NEBL: variants seen among roughly 807,000 people sequenced by gnomAD.
The protein encoded by NEBL is LIM and SH3 protein 2.
Under a neutral mutation model 140.2 loss-of-function variants are expected in NEBL, and 122 were observed. The observed-to-expected ratio is 0.87, with a 90% confidence interval of 0.75 to 1.01. NEBL has a LOEUF of 1.01. Among genes scored for constraint, NEBL ranks in the 50% least tolerant of loss-of-function variants. The pLI, the probability that NEBL is intolerant of heterozygous loss-of-function variation, is 0.00. For missense variants in NEBL, 1,365 were observed against 1,231.3 expected, an observed-to-expected ratio of 1.11 and a Z score of -1.62; for synonymous variants, 436 against 398.9, an observed-to-expected ratio of 1.09 and a Z score of -1.11.
chr10:20,831,434 G>T lies in NEBL; in HGVS notation c.1560+39C>A, dbSNP rs375700855. 4 of 1,544,374 alleles carry T rather than the reference G, an allele frequency of 2.6e-6. No individual in the cohort carries two copies. In the African/African-American group the frequency reaches 5.5e-5, roughly 21 times the overall value. On this transcript the variant is annotated intron_variant, in intron 15 of 27. Coordinates refer to ENST00000377122, the MANE Select transcript of NEBL (RefSeq NM_006393.3). ...TATGCTCTTTCCAGCTATGATTCAC[G>T]GCATTTATTTTAAACTTTGTATCTT...
intron 3 of NEBL, among the ~76,000 whole-genome samples, chr10:20,991,682 G>A (rs1224828404): frequency 6.6e-6 from 1 of 151,874 alleles, no homozygotes; most frequent in Non-Finnish European, 1.5e-5. Context: ...TCATGATGCA[G>A]AGGTTTGGGC....
intron 2 of NEBL, among the ~76,000 whole-genome samples, chr10:21,053,708 C>A (rs1019801729): frequency 1.3e-5 from 2 of 151,994 alleles, no homozygotes; most frequent in Non-Finnish European, 2.9e-5. Context: ...CATGAAGGGT[C>A]GCGTGTGAGT....
At chr10:21,197,916 C>T (rs1370624972) in intron 3 of NEBL, among the ~76,000 whole-genome samples, 1 of 152,134 alleles carries the variant, frequency 6.6e-6, no homozygotes, top group African/African-American at 2.4e-5. Flanking sequence ...CCTCCAGCCC[C>T]TCACCCTCCA....
At chr10:20,826,603 C>T in intron 17 of NEBL, 64 bp from the exon 18 acceptor site, 1 of 1,222,482 alleles carries the variant, frequency 8.2e-7, no homozygotes, top group South Asian at 1.2e-5. Flanking sequence ...AGATCCGCTT[C>T]TTAGAAAGAC....
chr10:21,257,607 C>G (rs7076532), intron 1 of NEBL, among the ~76,000 whole-genome samples: 1 of 151,974 alleles, frequency 6.6e-6, no homozygotes, highest in Non-Finnish European at 1.5e-5. Flanking sequence ...ACCAAAACGC[C>G]GTGCATGGTG....
intron 2 of NEBL, among the ~76,000 whole-genome samples, chr10:21,097,839 T>C (rs377575441): frequency 2.6e-5 from 4 of 152,192 alleles, no homozygotes; most frequent in African/African-American, 9.7e-5. Context: ...GACTTTTTTA[T>C]GGATGTAATA....
chr10:21,182,406 T>A (rs995111796), intron 3 of NEBL, among the ~76,000 whole-genome samples: 3 of 152,108 alleles, frequency 2.0e-5, no homozygotes, highest in Non-Finnish European at 2.9e-5. Context: ...AATCCAGGAG[T>A]TCTAGGCTGC....
At chr10:20,910,010 G>A (rs915677545) in intron 4 of NEBL, among the ~76,000 whole-genome samples, 2 of 151,948 alleles carry the variant, frequency 1.3e-5, no homozygotes, top group African/African-American at 2.4e-5. Flanking sequence ...CCCCTTTTCA[G>A]CAAACTTTAC....
chr10:21,112,071 A>T (rs991456128), intron 2 of NEBL, among the ~76,000 whole-genome samples: 3 of 152,244 alleles, frequency 2.0e-5, no homozygotes, highest in African/African-American at 7.2e-5. Flanking sequence ...AATGGCGATC[A>T]TTGAAAAGTC....
chr10:20,851,116 G>C lies in NEBL; in HGVS notation c.1009-614C>G, dbSNP rs73607530. On this transcript the variant is annotated intron_variant, in intron 10 of 27. Coordinates refer to ENST00000377122, the MANE Select transcript of NEBL (RefSeq NM_006393.3). ...CTCATCTTACTTCGGTTTATAAAATGAGTGATATTTTTTATCTTCCAATAA... is the reference window on the plus strand; with the variant it reads ...CTCATCTTACTTCGGTTTATAAAATCAGTGATATTTTTTATCTTCCAATAA... Among the ~76,000 whole-genome samples the C allele has an allele frequency of 8.0e-3, 1,225 of 152,232 alleles. 18 individuals are homozygous for C. The highest frequency in any genetic ancestry group is 0.028 in the African/African-American group (1,157 of 41,536).
intron 26 of NEBL, among the ~76,000 whole-genome samples, chr10:20,800,275 C>T (rs1836990793): frequency 6.6e-6 from 1 of 152,070 alleles, no homozygotes; most frequent in Non-Finnish European, 1.5e-5. Flanking sequence ...CCTCTAGTTC[C>T]ACCCATATTA....
In NEBL at chr10:21,067,458, C is replaced by T. The variant is rs189698027; in HGVS notation, c.165-47257G>A. Among the ~76,000 whole-genome samples the T allele has an allele frequency of 1.1e-4, 16 of 151,916 alleles. 1 individual carries two copies. In the East Asian group the frequency reaches 3.1e-3, roughly 29 times the overall value. On this transcript the variant is annotated intron_variant, in intron 2 of 6. Coordinates refer to the NEBL transcript ENST00000417816. The stretch of plus-strand genomic sequence containing the variant: ...ATTGGATTATAAGCTTTCTTTATAT[C>T]ATAAAAAAGAGAAAGCAGGAGGAGG...
chr10:20,793,093 A>G, intron 26 of NEBL, among the ~76,000 whole-genome samples: 1 of 152,326 alleles, frequency 6.6e-6, no homozygotes, highest in Middle Eastern at 3.4e-3. Flanking sequence ...ATACAGAAGC[A>G]AGCCAGATTG....
chr10:21,064,437 G>C (rs1835440407), intron 2 of NEBL, among the ~76,000 whole-genome samples: 2 of 152,026 alleles, frequency 1.3e-5, no homozygotes, highest in Admixed American at 1.3e-4. Flanking sequence ...CAAGGATGTG[G>C]AAAAAGAAAA....
chr10:21,238,908 C>A (rs1842399506), intron 3 of NEBL, among the ~76,000 whole-genome samples: 1 of 152,030 alleles, frequency 6.6e-6, no homozygotes, highest in Non-Finnish European at 1.5e-5. Context: ...AAAACAGACG[C>A]TTTGGTTACC....
chr10:21,160,074 T>C (rs1840493742), intron 2 of NEBL, among the ~76,000 whole-genome samples: 1 of 152,190 alleles, frequency 6.6e-6, no homozygotes, highest in Non-Finnish European at 1.5e-5. Context: ...AAGCCAGACT[T>C]GGGAAGCTTG....
intron 3 of NEBL, among the ~76,000 whole-genome samples, chr10:21,225,275 G>A (rs1375001854): frequency 1.3e-5 from 2 of 152,058 alleles, no homozygotes; most frequent in South Asian, 2.1e-4. Context: ...TGGAGCTGGG[G>A]GAGAGGTGAC....
chr10:21,080,106 G>A (rs1287646735), intron 2 of NEBL, among the ~76,000 whole-genome samples: 2 of 152,234 alleles, frequency 1.3e-5, no homozygotes, highest in Non-Finnish European at 2.9e-5. Flanking sequence ...ATAGAGAGAC[G>A]GTTCTGGTGG....
intron 2 of NEBL, among the ~76,000 whole-genome samples, chr10:21,066,002 C>T (rs1347143689): frequency 1.3e-5 from 2 of 152,224 alleles, no homozygotes; most frequent in African/African-American, 4.8e-5. Context: ...TCCTTCTACA[C>T]CTCCATCCTC....
Sources: allele counts gnomAD v4.1 joint callset (sites outside exome capture counted in the v4.1 genomes callset), GRCh38; gene constraint gnomAD v4.1.1; transcripts MANE v1.5; gene names NCBI Gene and HGNC (gene_info 2026-07-23, HGNC 2026-07-21).